KIF26B: variants seen among roughly 807,000 people sequenced by gnomAD.
KIF26B encodes the protein kinesin family member 26B.
KIF26B carries 63 observed loss-of-function variants against 151.2 expected under a neutral mutation model. That is an observed-to-expected ratio of 0.42 (90% CI 0.34 to 0.51). KIF26B has a LOEUF of 0.51. KIF26B is among the 20% of genes least tolerant of loss of function. KIF26B has a pLI of 0.07. For missense variants in KIF26B, 2,813 were observed against 2,913.6 expected (o/e 0.97, Z 0.79); for synonymous variants, 1,357 against 1,262.1 (o/e 1.08, Z -1.59).
chr1:245,475,376 T>C (rs1660011584), intron 4 of KIF26B, among the ~76,000 whole-genome samples: 6 of 151,766 alleles, frequency 4.0e-5, no homozygotes, highest in Admixed American at 3.9e-4. Flanking sequence ...AGGAGGAAAC[T>C]GTAGGGTTCC....
chr1:245,504,340 TTCCC>T (rs10522978), intron 4 of KIF26B, among the ~76,000 whole-genome samples: 28,956 of 146,804 alleles, frequency 0.2, 3,085 homozygotes, highest in Middle Eastern at 0.36. Flanking sequence ...CCTTCCCTCC[TTCCC>T]TCCCTCCCTC....
chr1:245,369,414 T>C (rs772550676), intron 3 of KIF26B, among the ~76,000 whole-genome samples: 1 of 152,254 alleles, frequency 6.6e-6, no homozygotes, highest in Non-Finnish European at 1.5e-5. Flanking sequence ...TTTGAGAGTG[T>C]TCATGTCTCT....
chr1:245,470,259 A>G (rs933837515), intron 4 of KIF26B, among the ~76,000 whole-genome samples: 2 of 152,202 alleles, frequency 1.3e-5, no homozygotes, highest in African/African-American at 4.8e-5. Flanking sequence ...TGTTAGGCAG[A>G]AGGGAGGCGA....
At chr1:245,347,583 G>A (rs967040960) in intron 2 of KIF26B, among the ~76,000 whole-genome samples, 1 of 152,118 alleles carries the variant, frequency 6.6e-6, no homozygotes, top group African/African-American at 2.4e-5. Flanking sequence ...CCCCCTAAAC[G>A]GATAGCAGGC....
At chr1:245,176,600 C>T (rs765324235) in intron 2 of KIF26B, among the ~76,000 whole-genome samples, 14 of 152,102 alleles carry the variant, frequency 9.2e-5, no homozygotes, top group African/African-American at 2.2e-4. Flanking sequence ...CCCCACAAGA[C>T]GCCAACAAGC....
intron 2 of KIF26B, among the ~76,000 whole-genome samples, chr1:245,207,172 G>A (rs148972548): frequency 2.3e-3 from 356 of 152,314 alleles, no homozygotes; most frequent in Non-Finnish European, 3.1e-3. Context: ...GACTCCCTGT[G>A]TTGGAAGCAA....
intron 9 of KIF26B, among the ~76,000 whole-genome samples, chr1:245,625,504 A>G (rs963085112): frequency 6.6e-6 from 1 of 152,164 alleles, no homozygotes; most frequent in African/African-American, 2.4e-5. Flanking sequence ...TATTTCTTTT[A>G]TATTGATATA....
chr1:245,673,512 C>T (rs143051272), intron 10 of KIF26B, among the ~76,000 whole-genome samples: 32 of 152,372 alleles, frequency 2.1e-4, no homozygotes, highest in African/African-American at 7.7e-4. Context: ...TCAGATATTT[C>T]CTGGCCTTAT....
chr1:245,333,997 T>A (rs1272078211), intron 2 of KIF26B, among the ~76,000 whole-genome samples: 1 of 149,630 alleles, frequency 6.7e-6, no homozygotes, highest in African/African-American at 2.5e-5. Context: ...AGACTCCGTG[T>A]CAAAAAAAAA....
chr1:245,491,384 CT>C (rs1225929611), intron 4 of KIF26B, among the ~76,000 whole-genome samples: 1 of 152,182 alleles, frequency 6.6e-6, no homozygotes, highest in East Asian at 1.9e-4. Flanking sequence ...ATACAAAGAT[CT>C]TTTGTTTTCC....
At chr1:245,646,500 C>T (rs2043948547) in intron 10 of KIF26B, among the ~76,000 whole-genome samples, 1 of 152,148 alleles carries the variant, frequency 6.6e-6, no homozygotes, top group African/African-American at 2.4e-5. Context: ...TAACTTTAGG[C>T]TGCTCAAATT....
intron 2 of KIF26B, among the ~76,000 whole-genome samples, chr1:245,337,240 C>T (rs779124405): frequency 2.3e-4 from 34 of 149,788 alleles, no homozygotes; most frequent in African/African-American, 7.1e-4. Context: ...AGTGTGATCT[C>T]GGCTCACTGC....
chr1:245,223,141 C>T (rs1445624058), intron 2 of KIF26B, among the ~76,000 whole-genome samples: 1 of 152,140 alleles, frequency 6.6e-6, no homozygotes, highest in East Asian at 1.9e-4. Flanking sequence ...GGACGCTGGT[C>T]ACAGCCTGCA....
At chr1:245,420,644 G>C (rs1658463613) in intron 4 of KIF26B, among the ~76,000 whole-genome samples, 1 of 152,180 alleles carries the variant, frequency 6.6e-6, no homozygotes, top group Non-Finnish European at 1.5e-5. Context: ...AGACCTTTTG[G>C]GTTCCAGTTG....
intron 10 of KIF26B, among the ~76,000 whole-genome samples, chr1:245,647,191 C>T (rs548446356): frequency 7.9e-5 from 12 of 152,010 alleles, no homozygotes; most frequent in South Asian, 2.1e-4. Flanking sequence ...TTTGGGAGGC[C>T]GAGGCGGGTG....
chr1:245,638,319 G>C (rs777885125), intron 9 of KIF26B, among the ~76,000 whole-genome samples: 1 of 151,736 alleles, frequency 6.6e-6, no homozygotes, highest in African/African-American at 2.4e-5. Flanking sequence ...CACATTTTGC[G>C]TGTTTATTTT....
Position 245,624,067 on chromosome 1 carries a change from CT to C in KIF26B, c.2098+12092del, listed in dbSNP as rs2043695279. Among the ~76,000 whole-genome samples the C allele has an allele frequency of 2.6e-5, 4 of 152,216 alleles. No homozygotes were observed. In the South Asian group the frequency reaches 8.3e-4, roughly 32 times the overall value. On this transcript the variant is annotated intron_variant, in intron 9 of 14. Transcript: ENST00000407071. Reference sequence around the variant, plus strand: ...TTAAGAGTGTGTGGTACTCTCCCCCCTGCTCACTCGCTCTCTCTCCTGCTCT... The same window carrying C: ...TTAAGAGTGTGTGGTACTCTCCCCCCGCTCACTCGCTCTCTCTCCTGCTCT...
Position 245,358,198 on chromosome 1 carries a change from C to A in KIF26B, c.466-8636C>A, listed in dbSNP as rs946088922. On this transcript the variant is annotated intron_variant, in intron 2 of 14. Transcript: ENST00000407071. The surrounding 1 kb of genome is among the most constrained non-coding windows in gnomAD (Gnocchi z 4.1). ...GGGATTACAGGCGTGAGCCACCATACCCTGCCAAAATTTTACCTTTTAAAA... is the reference window on the plus strand; with the variant it reads ...GGGATTACAGGCGTGAGCCACCATAACCTGCCAAAATTTTACCTTTTAAAA... 6.6e-6 allele frequency among the ~76,000 whole-genome samples: 1 copy of A among 152,192 alleles called. No homozygotes were observed. Among genetic ancestry groups the A allele is most frequent in the Admixed American group, 6.5e-5 (1 of 15,280 alleles).
chr1:245,561,897 T>G (rs773569159), intron 5 of KIF26B, among the ~76,000 whole-genome samples: 23 of 152,184 alleles, frequency 1.5e-4, no homozygotes, highest in African/African-American at 5.3e-4. Flanking sequence ...ATGTCAGAGG[T>G]GGTCCTGCCT....
Sources: allele counts gnomAD v4.1 joint callset (sites outside exome capture counted in the v4.1 genomes callset), GRCh38; gene constraint gnomAD v4.1.1; non-coding constraint Gnocchi (gnomAD v3.1); transcripts MANE v1.5; gene names NCBI Gene and HGNC (gene_info 2026-07-23, HGNC 2026-07-21).